The following DNAH10 variants were observed in gnomAD, a reference collection of about 807,000 sequenced individuals.
The protein encoded by DNAH10 is dynein axonemal heavy chain 10.
In DNAH10, 348 loss-of-function variants were observed where a neutral mutation model predicts 506.6. That is an observed-to-expected ratio of 0.69 (90% CI 0.63 to 0.75). The LOEUF (loss-of-function observed/expected upper bound fraction) is 0.75, where lower values mean the gene tolerates loss of function less well. Among genes scored for constraint, DNAH10 ranks in the 30% least tolerant of loss-of-function variants. The probability of loss-of-function intolerance (pLI) is 0.00; values close to 1 mark genes in which losing one functional copy is unlikely to be tolerated. For synonymous variants in DNAH10, 2,059 were observed against 2,198.6 expected, an observed-to-expected ratio of 0.94 and a Z score of 1.78; for missense variants, 5,179 against 5,787.1, an observed-to-expected ratio of 0.89 and a Z score of 3.41.
chr12:123,803,716 C>T lies in DNAH10; in HGVS notation c.2670C>T (p.Leu890=), dbSNP rs749063421. 7 of 1,610,826 alleles carry T rather than the reference C, an allele frequency of 4.3e-6. No homozygotes were observed. Among genetic ancestry groups the T allele is most frequent in the Admixed American group, 1.7e-5 (1 of 59,032 alleles). The change falls in exon 17 of 79, where the codon CTC becomes CTT. Residue 890 remains leucine (L), a synonymous_variant. Transcript: ENST00000673944. Reference sequence around the variant, plus strand: ...AGGCCATTGGGAAATTTGAGTCTCTCGTCCACCAGATTCATAAGAATGCAG... The same window carrying T: ...AGGCCATTGGGAAATTTGAGTCTCTTGTCCACCAGATTCATAAGAATGCAG... The part of the protein sequence containing the change: ...CKQAIGKFES[L]VHQIHKNADD...
At chr12:123,827,444 C>T (rs1187477080) in intron 25 of DNAH10, among the ~76,000 whole-genome samples, 1 of 152,128 alleles carries the variant, frequency 6.6e-6, no homozygotes, top group South Asian at 2.1e-4. Flanking sequence ...CTGGGCTTGC[C>T]CCGTTTCAAG....
chr12:123,918,286 TC>T (rs941034334), intron 64 of DNAH10, among the ~76,000 whole-genome samples: 4 of 152,230 alleles, frequency 2.6e-5, no homozygotes, highest in African/African-American at 7.2e-5. Flanking sequence ...ATCTTCCTGT[TC>T]CTACCGTGAA....
At chr12:123,914,639 TG>T in intron 61 of DNAH10, 89 bp downstream of exon 61, 1 of 1,456,594 alleles carries the variant, frequency 6.9e-7, no homozygotes. Context: ...GGCAATGGCC[TG>T]GGGGGCATCA....
intron 52 of DNAH10, among the ~76,000 whole-genome samples, chr12:123,888,267 A>G (rs1416139738): frequency 6.6e-6 from 1 of 152,220 alleles, no homozygotes; most frequent in Non-Finnish European, 1.5e-5. Context: ...GGAAGGTACC[A>G]TTAACATCCT....
In DNAH10 at chr12:123,882,832, CAAAAAG is replaced by C. The variant is rs543362149; in HGVS notation, c.8823+1029_8823+1034del. Among the ~76,000 whole-genome samples the C allele has an allele frequency of 8.9e-4, 127 of 142,296 alleles. 1 individual carries two copies. Among genetic ancestry groups the C allele is most frequent in the African/African-American group, 3.2e-3 (122 of 38,682 alleles). 93.4% of individuals were successfully genotyped at this position (142,296 alleles called of 152,430 possible). A position where few individuals can be genotyped will look rare whatever the true frequency, so the allele number is the denominator to read the frequency against. On this transcript the variant is annotated intron_variant, in intron 51 of 78. Transcript: ENST00000673944. ...AAAAAAAAAGAACATTTTGTGGTTT[CAAAAAG>C]AAAAAGAAATCCCATGCCCTTTAGT...
In DNAH10 at chr12:123,914,444, G is replaced by A. The variant is rs200882486; in HGVS notation, c.10468G>A (p.Glu3490Lys). Residue 3490 changes from glutamate (E) to lysine (K), a missense_variant, in exon 61 of 79, where the codon GAG becomes AAG. Around this residue, in one of 3 missense-constraint regions of DNAH10, gnomAD observed 4,844 missense variants for 5,430.5 expected, o/e 0.89. Coordinates refer to ENST00000673944, the MANE Select transcript of DNAH10 (RefSeq NM_001372106.1). ...EGAFTWEFRD[E>K]MVNRIWQNDI... ...AGCCTTCACCTGGGAGTTCCGTGAC[G>A]AGATGGTCAATCGGATTTGGCAAAA... 20 of 1,613,810 alleles carry A rather than the reference G, an allele frequency of 1.2e-5. No homozygotes were observed. Among genetic ancestry groups the A allele is most frequent in the East Asian group, 2.2e-5 (1 of 44,876 alleles).
At chr12:123,865,856 G>A in intron 40 of DNAH10, 95 bp from the exon 41 acceptor site, 2 of 1,252,048 alleles carry the variant, frequency 1.6e-6, no homozygotes, top group Non-Finnish European at 2.1e-6. Context: ...TGGATTTCAT[G>A]CAGTTGTAAA....
rs1386111892 is a variant in DNAH10, at chr12:123,850,742, C to T, written c.6103-146C>T. 2.4e-5 allele frequency: 21 copies of T among 874,076 alleles called. No individual in the cohort carries two copies. The highest frequency in any genetic ancestry group is 5.5e-5 in the South Asian group (3 of 54,332). The allele number at this position is 874,076 out of a possible 1,614,324, so 54.1% of individuals were successfully genotyped here. A position where few individuals can be genotyped will look rare whatever the true frequency, so the allele number is the denominator to read the frequency against. On this transcript the variant is annotated intron_variant, in intron 34 of 78. Coordinates refer to ENST00000673944, the MANE Select transcript of DNAH10 (RefSeq NM_001372106.1). This position sits in a 1 kb window ranked among gnomAD's most constrained non-coding sequence, Gnocchi z 5.5. ...GCGAGGGGGGCCCTGCATTGAACACCGGGGAGGGAAAAAGAGACAAGTGGT... is the reference window on the plus strand; with the variant it reads ...GCGAGGGGGGCCCTGCATTGAACACTGGGGAGGGAAAAAGAGACAAGTGGT...
At chr12:123,823,484 A>C (rs1327277627) in intron 24 of DNAH10, among the ~76,000 whole-genome samples, 1 of 152,224 alleles carries the variant, frequency 6.6e-6, no homozygotes, top group Non-Finnish European at 1.5e-5. Flanking sequence ...GATGGGGTGG[A>C]AAGTGATGAG....
chr12:123,836,848 GTCTC>G (rs1961180795), intron 28 of DNAH10, among the ~76,000 whole-genome samples: 1 of 151,542 alleles, frequency 6.6e-6, no homozygotes, highest in African/African-American at 2.4e-5. Flanking sequence ...ATGAAACTCT[GTCTC>G]TCTCTCTTTT....
chr12:123,876,278 G>T (rs1213966410), intron 47 of DNAH10, among the ~76,000 whole-genome samples: 1 of 152,142 alleles, frequency 6.6e-6, no homozygotes, highest in Non-Finnish European at 1.5e-5. Context: ...CCGAGGGCTG[G>T]TTGGGGTCTT....
chr12:123,843,678 A>T (rs1474762115), intron 30 of DNAH10, among the ~76,000 whole-genome samples: 2 of 152,124 alleles, frequency 1.3e-5, no homozygotes, highest in Non-Finnish European at 2.9e-5. Flanking sequence ...TCCAGGTTCA[A>T]GCGATTCTCC....
At chr12:123,820,106 C>T (rs529407291) in intron 23 of DNAH10, among the ~76,000 whole-genome samples, 12 of 152,056 alleles carry the variant, frequency 7.9e-5, no homozygotes, top group African/African-American at 2.4e-4. Context: ...AAATGGGTGA[C>T]GTTTATTTAA....
chr12:123,781,497 A>T (rs1317315400), intron 6 of DNAH10, among the ~76,000 whole-genome samples, 198 bp downstream of exon 6: 1 of 151,764 alleles, frequency 6.6e-6, no homozygotes, highest in Non-Finnish European at 1.5e-5. Flanking sequence ...ACAGAGCCTC[A>T]CTCTGTTGCC....
At chr12:123,935,181 C>T (rs11057397) in intron 78 of DNAH10, among the ~76,000 whole-genome samples, 154 bp from the exon 79 acceptor site, 48,563 of 152,052 alleles carry the variant, frequency 0.32, 7,897 homozygotes, top group Middle Eastern at 0.37. Context: ...GTGAAGCTGG[C>T]GGAGGGTGGC....
intron 21 of DNAH10, 26 bp from the exon 22 acceptor site, chr12:123,818,924 T>G: frequency 6.8e-7 from 1 of 1,465,242 alleles, no homozygotes; most frequent in South Asian, 1.2e-5. Context: ...TTGTTGTTTA[T>G]TCTGTTTTTT....
chr12:123,831,969 A>G (rs1227599450), intron 26 of DNAH10, among the ~76,000 whole-genome samples: 1 of 152,088 alleles, frequency 6.6e-6, no homozygotes, highest in Non-Finnish European at 1.5e-5. Flanking sequence ...GACCACCATT[A>G]TATATGAAAT....
chr12:123,804,192 C>G (rs1177816988), intron 17 of DNAH10, among the ~76,000 whole-genome samples: 1 of 151,848 alleles, frequency 6.6e-6, no homozygotes, highest in Non-Finnish European at 1.5e-5. Flanking sequence ...AACAGTAAAG[C>G]TAGTTGTATT....
chr12:123,766,279 A>G (rs1466731885), intron 1 of DNAH10, among the ~76,000 whole-genome samples: 2 of 150,054 alleles, frequency 1.3e-5, no homozygotes, highest in Non-Finnish European at 3.0e-5. Context: ...GTTGAGATCA[A>G]TTAATCAGCC....
Sources: gnomAD v4.1 joint callset for allele counts (sites outside exome capture counted in the v4.1 genomes callset) on GRCh38, gnomAD v4.1.1 for gene constraint, gnomAD v4.1.1 regional missense constraint, Gnocchi (gnomAD v3.1) non-coding constraint, MANE v1.5 for transcripts, NCBI Gene and HGNC (gene_info 2026-07-23, HGNC 2026-07-21) for gene names.